The following CREBBP variants were observed in gnomAD, a reference collection of about 807,000 sequenced individuals.
CREBBP encodes the protein CREB-binding protein.
Under a neutral mutation model 265.0 loss-of-function variants are expected in CREBBP, and 19 were observed. The observed-to-expected ratio is 0.07, with a 90% confidence interval of 0.05 to 0.11. The LOEUF (loss-of-function observed/expected upper bound fraction) is 0.11. Ranked by LOEUF, CREBBP falls within the 10% of genes least tolerant of loss-of-function variation. CREBBP has a pLI of 1.00. For synonymous variants in CREBBP, 1,457 were observed against 1,223.7 expected (o/e 1.19, Z -3.98); for missense variants, 2,525 against 3,219.0 (o/e 0.78, Z 5.22).
intron 25 of CREBBP, among the ~76,000 whole-genome samples, 178 bp from the exon 26 acceptor site, chr16:3,738,850 ATCCTCCT>A (rs1404421977): frequency 6.6e-6 from 1 of 152,204 alleles, no homozygotes; most frequent in Non-Finnish European, 1.5e-5. Context: ...GGCTCAAGCA[ATCCTCCT>A]GCCTCAGACT....
intron 19 of CREBBP, among the ~76,000 whole-genome samples, chr16:3,752,940 G>T (rs1019617502): frequency 6.6e-6 from 1 of 152,176 alleles, no homozygotes; most frequent in African/African-American, 2.4e-5. Context: ...CAGAAATGCA[G>T]GCTGATGCTG....
intron 1 of CREBBP, among the ~76,000 whole-genome samples, chr16:3,870,733 T>C (rs1198941785): frequency 6.6e-6 from 1 of 152,176 alleles, no homozygotes; most frequent in Non-Finnish European, 1.5e-5. Context: ...ATCATCTTAG[T>C]CCTCACTGGC....
In CREBBP at chr16:3,740,413, G is replaced by A. The variant is rs3025679; in HGVS notation, c.4119C>T (p.Pro1373=). 109 of 1,614,130 alleles carry A rather than the reference G, an allele frequency of 6.8e-5. No homozygotes were observed. In the African/African-American group the frequency reaches 9.7e-4, roughly 14 times the overall value. ...GGCACACTGACCGTGACTTCATCCC[G>A]GGCTTGACCTCCACCGTCTTGTCTG... is the stretch of plus-strand genomic sequence containing the variant. ...ASSDKTVEVK[P]GMKSRFVDSG... The change falls in exon 24 of 31, where the codon CCC becomes CCT. Residue 1373 remains proline (P), a synonymous_variant. Transcript: ENST00000262367.
At chr16:3,766,844 C>T (rs1261987113) in intron 16 of CREBBP, among the ~76,000 whole-genome samples, 9 of 152,044 alleles carry the variant, frequency 5.9e-5, no homozygotes, top group Admixed American at 5.9e-4. Flanking sequence ...CTTTAGTTTC[C>T]AGTAGAGTAA....
At chr16:3,789,221 G>C (rs540938085) in intron 5 of CREBBP, among the ~76,000 whole-genome samples, 9 of 152,204 alleles carry the variant, frequency 5.9e-5, no homozygotes, top group African/African-American at 2.2e-4. Context: ...GCGAGCACAG[G>C]TGGGTCTCGG....
At chr16:3,861,652 CAAAAAAAA>C (rs368654449) in intron 1 of CREBBP, among the ~76,000 whole-genome samples, 1,434 of 121,094 alleles carry the variant, frequency 0.012, 31 homozygotes, top group African/African-American at 0.04. Flanking sequence ...CTCTCTATAC[CAAAAAAAA>C]AAAAAAAAAA....
At chr16:3,791,292 G>A (rs774825074) in intron 5 of CREBBP, 1 of 152,902 alleles carries the variant, frequency 6.5e-6, no homozygotes, top group Non-Finnish European at 1.5e-5. Context: ...GCCCCAGGCG[G>A]ACCTCCCAAC....
In CREBBP at chr16:3,849,428, T is replaced by TGTGTGTGTGTG. The variant is rs2054750407; in HGVS notation, c.798+858_798+868dup. 1.0e-3 allele frequency among the ~76,000 whole-genome samples: 8 copies of TGTGTGTGTGTG among 7,940 alleles called. 1 individual carries two copies. Among genetic ancestry groups the TGTGTGTGTGTG allele is most frequent in the Admixed American group, 4.3e-3 (2 of 460 alleles). The allele number at this position is 7,940 out of a possible 152,430, so 5.2% of individuals were successfully genotyped here. A position where few individuals can be genotyped will look rare whatever the true frequency, so the allele number is the denominator to read the frequency against. ...GTGTGTGTGTGTGTGTGTGTGTGTG[T>TGTGTGTGTGTG]GTGTGTGTGTGTGTGTGTGTGTGTG... On this transcript the variant is annotated intron_variant, in intron 2 of 30. Coordinates refer to ENST00000262367, the MANE Select transcript of CREBBP (RefSeq NM_004380.3).
At position 3,879,901 on chromosome 16, in the gene CREBBP, G is replaced by C. The variant is rs1023187476; in HGVS notation, c.16C>G (p.Leu6Val). Reference sequence around the variant, plus strand: ...CTTTTGGGGTTGGGCGGTCCGTCCAGCAAGTTCTCAGCCATTTTCACCTGC... The same window carrying C: ...CTTTTGGGGTTGGGCGGTCCGTCCACCAAGTTCTCAGCCATTTTCACCTGC... Reference protein sequence around the residue: MAENLLDGPPNPKRAK... With the variant: MAENLVDGPPNPKRAK... The change falls in exon 1 of 31, where the codon CTG (leucine) becomes GTG (valine). Residue 6 changes from leucine to valine, a missense_variant. Physicochemically the swap from Leu to Val is conservative, Grantham distance 32. Transcript: ENST00000262367. 1.2e-6 allele frequency: 2 copies of C among 1,612,480 alleles called. No homozygotes were observed. Among genetic ancestry groups the C allele is most frequent in the Non-Finnish European group, 1.7e-6 (2 of 1,179,326 alleles).
chr16:3,829,764 A>C (rs957827499), intron 2 of CREBBP, among the ~76,000 whole-genome samples: 1 of 152,198 alleles, frequency 6.6e-6, no homozygotes, highest in Non-Finnish European at 1.5e-5. Context: ...CACCATTTCC[A>C]CTACACAGTC....
At chr16:3,806,738 C>T (rs1445296834) in intron 3 of CREBBP, among the ~76,000 whole-genome samples, 2 of 152,144 alleles carry the variant, frequency 1.3e-5, no homozygotes, top group Non-Finnish European at 2.9e-5. Flanking sequence ...TCACACCCCA[C>T]CCTGTAAGCC....
chr16:3,819,402 A>C (rs1260464565), intron 2 of CREBBP, among the ~76,000 whole-genome samples: 1 of 152,220 alleles, frequency 6.6e-6, no homozygotes, highest in East Asian at 1.9e-4. Flanking sequence ...AGGGGTGAGG[A>C]GGTGAGAGAC....
intron 2 of CREBBP, among the ~76,000 whole-genome samples, chr16:3,835,802 G>C (rs190348978): frequency 2.0e-5 from 3 of 151,540 alleles, no homozygotes; most frequent in African/African-American, 4.8e-5. Flanking sequence ...GGATGGTCTC[G>C]ATCTCCTGAC....
intron 17 of CREBBP, 37 bp from the exon 18 acceptor site, chr16:3,758,085 C>T (rs750454195): frequency 1.2e-6 from 2 of 1,608,990 alleles, no homozygotes; most frequent in Admixed American, 3.3e-5. Flanking sequence ...ATAGGGAATC[C>T]CCCAATATCC....
intron 5 of CREBBP, among the ~76,000 whole-genome samples, chr16:3,786,246 A>T (rs2053384510): frequency 6.6e-6 from 1 of 152,162 alleles, no homozygotes; most frequent in Admixed American, 6.5e-5. Flanking sequence ...CGTGCCTGTC[A>T]TCTCAGCTAC....
At chr16:3,747,901 A>C (rs1399197122) in intron 21 of CREBBP, among the ~76,000 whole-genome samples, 1 of 152,140 alleles carries the variant, frequency 6.6e-6, no homozygotes, top group African/African-American at 2.4e-5. Context: ...CATCCTGGCT[A>C]ACATGGTGAA....
chr16:3,851,306 TA>T (rs1160251196), intron 1 of CREBBP, among the ~76,000 whole-genome samples: 4,140 of 76,502 alleles, frequency 0.054, 93 homozygotes, highest in African/African-American at 0.1. Context: ...AAAAAAAAAT[TA>T]AAAAAAAAAA....
At chr16:3,766,953 C>T (rs1440025065) in intron 16 of CREBBP, among the ~76,000 whole-genome samples, 1 of 152,160 alleles carries the variant, frequency 6.6e-6, no homozygotes, top group Non-Finnish European at 1.5e-5. Context: ...CTCCAGGGTC[C>T]CTTCCAGCTG....
In CREBBP at chr16:3,728,910, G is replaced by T. The variant is rs753688167; in HGVS notation, c.6137C>A (p.Ala2046Glu). 3 of 1,606,734 alleles carry T rather than the reference G, an allele frequency of 1.9e-6. No homozygotes were observed. Among genetic ancestry groups the T allele is most frequent in the Non-Finnish European group, 8.5e-7 (1 of 1,179,210 alleles). Residue 2046 changes from alanine (A) to glutamate (E), a missense_variant, in exon 31 of 31, where the codon GCG becomes GAG. By Grantham distance (107) the Ala-to-Glu change is moderately radical. Coordinates refer to ENST00000262367, the MANE Select transcript of CREBBP (RefSeq NM_004380.3). The surrounding 1 kb of genome is among the most constrained non-coding windows in gnomAD (Gnocchi z 8.7). Reference protein sequence around the residue: ...PRPVISMQAQAAVAGPRMPSV... With the variant: ...PRPVISMQAQEAVAGPRMPSV... ...GGGCATCCGGGGCCCAGCCACGGCCGCCTGGGCCTGCATGGATATCACAGG... is the reference window on the plus strand; with the variant it reads ...GGGCATCCGGGGCCCAGCCACGGCCTCCTGGGCCTGCATGGATATCACAGG...
Sources: allele counts gnomAD v4.1 joint callset (sites outside exome capture counted in the v4.1 genomes callset), GRCh38; gene constraint gnomAD v4.1.1; non-coding constraint Gnocchi (gnomAD v3.1); transcripts MANE v1.5; gene names NCBI Gene and HGNC (gene_info 2026-07-23, HGNC 2026-07-21).